Variants in ZNF608 observed in about 807,000 individuals in gnomAD.
ZNF608 encodes the protein renal carcinoma antigen NY-REN-36.
ZNF608 carries 12 observed loss-of-function variants against 109.0 expected under a neutral mutation model. The observed-to-expected ratio is 0.11, with a 90% CI of 0.07 to 0.18. The LOEUF (loss-of-function observed/expected upper bound fraction) is 0.18. Ranked by LOEUF, ZNF608 falls within the 10% of genes least tolerant of loss-of-function variation. The pLI is 1.00. For missense variants in ZNF608, 1,707 were observed against 1,879.3 expected (o/e 0.91, Z 1.70); for synonymous variants, 732 against 717.4 (o/e 1.02, Z -0.33).
chr5:124,712,007 G>T (rs760187615), intron 2 of ZNF608, among the ~76,000 whole-genome samples: 2 of 152,064 alleles, frequency 1.3e-5, no homozygotes, highest in Non-Finnish European at 2.9e-5. Context: ...CAATTAGCCG[G>T]GTGTAGGTGT....
At chr5:124,667,205 GAAAT>G (rs2149809626) in intron 3 of ZNF608, among the ~76,000 whole-genome samples, 1 of 152,296 alleles carries the variant, frequency 6.6e-6, no homozygotes, top group South Asian at 2.1e-4. Flanking sequence ...TTACATTAAA[GAAAT>G]AAAGTTATTG....
At chr5:124,717,449 C>T (rs989169834) in intron 2 of ZNF608, among the ~76,000 whole-genome samples, 3 of 152,102 alleles carry the variant, frequency 2.0e-5, no homozygotes, top group South Asian at 2.1e-4. Context: ...CCAGCCTGGG[C>T]GACAGAGCGA....
At chr5:124,684,820 G>C (rs1359636698) in intron 3 of ZNF608, among the ~76,000 whole-genome samples, 2 of 152,060 alleles carry the variant, frequency 1.3e-5, no homozygotes, top group Admixed American at 6.6e-5. Flanking sequence ...TTTTCTCATG[G>C]TTTAGCTACA....
At chr5:124,691,908 T>C (rs1292751181) in intron 3 of ZNF608, among the ~76,000 whole-genome samples, 3 of 151,884 alleles carry the variant, frequency 2.0e-5, no homozygotes, top group Non-Finnish European at 4.4e-5. Flanking sequence ...TACCTATGGT[T>C]AAGAATAAAA....
chr5:124,703,532 C>T (rs1753139810), intron 2 of ZNF608, among the ~76,000 whole-genome samples: 1 of 152,060 alleles, frequency 6.6e-6, no homozygotes, highest in Non-Finnish European at 1.5e-5. Flanking sequence ...GTGGGAGCTC[C>T]AAGAAGGAGT....
In ZNF608 at chr5:124,745,106, CTCT is replaced by C. The variant is rs1749590781; in HGVS notation, c.-120_-118del. On this transcript the variant is annotated 5_prime_UTR_variant, in exon 2 of 10. Coordinates refer to ENST00000513986, the MANE Select transcript of ZNF608 (RefSeq NM_020747.3). ...AGAAAAAAAAAATCTTCTAATCTTC[CTCT>C]TCTTTTTCCTGCCCCACGAATGTGT... 1 of 1,453,518 alleles carries C rather than the reference CTCT, an allele frequency of 6.9e-7. No individual in the cohort carries two copies. Among genetic ancestry groups the C allele is most frequent in the Admixed American group, 2.8e-5 (1 of 36,070 alleles). 90.0% of individuals were successfully genotyped at this position (1,453,518 alleles called of 1,614,324 possible).
Position 124,648,100 on chromosome 5 carries a change from T to G in ZNF608, c.2284A>C (p.Thr762Pro). Residue 762 changes from threonine to proline, a missense_variant, in exon 5 of 10, where the codon ACT (threonine) becomes CCT (proline). Coordinates refer to ENST00000513986, the MANE Select transcript of ZNF608 (RefSeq NM_020747.3). ...GAGGGCAGTCCGGGTATTGTCCCAG[T>G]GGTGGTCGTTGTAAAGGTTGCAGTG... is the stretch of plus-strand genomic sequence containing the variant. ...IPTATFTTTT[T>P]GTIPGLPSLT... 1 of 1,610,546 alleles carries G rather than the reference T, an allele frequency of 6.2e-7. No individual in the cohort carries two copies. Among genetic ancestry groups the G allele is most frequent in the Non-Finnish European group, 8.5e-7 (1 of 1,179,096 alleles).
At position 124,648,989 on chromosome 5, in the gene ZNF608, G is replaced by C. The variant is rs929191089; in HGVS notation, c.1395C>G (p.Ala465=). 2.5e-6 allele frequency: 4 copies of C among 1,613,968 alleles called. No individual in the cohort carries two copies. The African/African-American group carries it at 5.3e-5, about 22-fold the overall frequency. Residue 465 remains alanine (A), a synonymous_variant, in exon 5 of 10, where the codon GCC becomes GCG. Coordinates refer to ENST00000513986, the MANE Select transcript of ZNF608 (RefSeq NM_020747.3). ...RGLQNKNRGG[A]NGKGRRGSLN... ...GGCTGCCCCGCCTCCCTTTCCCATT[G>C]GCCCCCCCTCTGTTCTTATTCTGCA...
intron 2 of ZNF608, chr5:124,710,075 T>A (rs1413764383): frequency 2.9e-6 from 1 of 341,890 alleles, no homozygotes; most frequent in Admixed American, 4.3e-5. Flanking sequence ...AATGCATGTA[T>A]CTTAGTTGAT....
Position 124,708,894 on chromosome 5 carries a change from C to T in ZNF608, c.907-7625G>A, listed in dbSNP as rs187238015. 9.3e-5 allele frequency: 39 copies of T among 419,476 alleles called. No individual in the cohort carries two copies. In the East Asian group the frequency reaches 2.2e-3, roughly 24 times the overall value. 26.0% of individuals were successfully genotyped at this position (419,476 alleles called of 1,614,324 possible). ...TCCAGAATGCCAAAAATCCAAGGCC[C>T]GGTGCAGTGGCTCACGCCTGTAATC... is the stretch of plus-strand genomic sequence containing the variant. On this transcript the variant is annotated intron_variant, in intron 2 of 9. Coordinates refer to ENST00000513986, the MANE Select transcript of ZNF608 (RefSeq NM_020747.3).
At chr5:124,681,881 C>T (rs1371100169) in intron 3 of ZNF608, among the ~76,000 whole-genome samples, 1 of 152,170 alleles carries the variant, frequency 6.6e-6, no homozygotes, top group Non-Finnish European at 1.5e-5. Context: ...CATTGGACTC[C>T]TCGGAGACAA....
intron 5 of ZNF608, 141 bp from the exon 6 acceptor site, chr5:124,644,802 C>G: frequency 5.4e-6 from 4 of 745,768 alleles, no homozygotes. Context: ...GTGCTAGACA[C>G]TGTGCTAATT....
chr5:124,721,807 G>A (rs975001297), intron 2 of ZNF608, among the ~76,000 whole-genome samples: 5 of 151,126 alleles, frequency 3.3e-5, no homozygotes, highest in African/African-American at 7.3e-5. Flanking sequence ...GCGAGGTGGC[G>A]GGCGCCTGTC....
intron 3 of ZNF608, among the ~76,000 whole-genome samples, chr5:124,697,270 C>A (rs913526831): frequency 6.9e-6 from 1 of 144,946 alleles, no homozygotes; most frequent in Admixed American, 6.9e-5. Context: ...CAATAAAAAT[C>A]AAAAGGAAAC....
intron 2 of ZNF608, chr5:124,734,981 G>C (rs965473638): frequency 6.6e-6 from 1 of 152,188 alleles, no homozygotes; most frequent in Admixed American, 6.5e-5. Flanking sequence ...CTTATTAAGT[G>C]ATGGGGGGCA....
Position 124,744,795 on chromosome 5 carries a change from A to G in ZNF608, c.195T>C (p.Cys65=). The stretch of plus-strand genomic sequence containing the variant: ...CAGCCCCACTGGAGGCCGGACCTCC[A>G]CAATCCTTGGAGTTGCTGCTACTAG... The part of the protein sequence containing the change: ...TTTSSSNSKD[C]GGPASSGAGA... The change falls in exon 2 of 10, where the codon TGT becomes TGC. Residue 65 remains cysteine, a synonymous_variant. Transcript: ENST00000513986. This position sits in a 1 kb window ranked among gnomAD's most constrained non-coding sequence, Gnocchi z 4.5. 1 of 1,614,186 alleles carries G rather than the reference A, an allele frequency of 6.2e-7. No individual in the cohort carries two copies. Among genetic ancestry groups the G allele is most frequent in the Non-Finnish European group, 8.5e-7 (1 of 1,180,028 alleles).
chr5:124,663,415 C>G (rs1751358810), intron 3 of ZNF608, among the ~76,000 whole-genome samples: 1 of 152,184 alleles, frequency 6.6e-6, no homozygotes. Flanking sequence ...ACAGCATGCA[C>G]AAAACCTGCC....
At chr5:124,697,691 T>C (rs1340051051) in intron 3 of ZNF608, among the ~76,000 whole-genome samples, 1 of 152,152 alleles carries the variant, frequency 6.6e-6, no homozygotes, top group African/African-American at 2.4e-5. Context: ...GTACTGGCAG[T>C]AACACTAGGG....
intron 2 of ZNF608, among the ~76,000 whole-genome samples, chr5:124,713,220 C>T (rs1429215849): frequency 6.6e-6 from 1 of 152,156 alleles, no homozygotes; most frequent in East Asian, 1.9e-4. Flanking sequence ...CCCTACAAAT[C>T]CCATTTGAAC....
Sources: allele counts gnomAD v4.1 joint callset (sites outside exome capture counted in the v4.1 genomes callset), GRCh38; gene constraint gnomAD v4.1.1; non-coding constraint Gnocchi (gnomAD v3.1); transcripts MANE v1.5; gene names NCBI Gene and HGNC (gene_info 2026-07-23, HGNC 2026-07-21).